LDLRAD4: variants seen among roughly 807,000 people sequenced by gnomAD.
The protein encoded by LDLRAD4 is low density lipoprotein receptor class A domain containing 4.
LDLRAD4 carries 5 observed loss-of-function variants against 17.0 expected under a neutral mutation model. The observed-to-expected ratio is 0.29, with a 90% CI of 0.15 to 0.62. The LOEUF is 0.62. Ranked by LOEUF, LDLRAD4 falls within the 20% of genes least tolerant of loss-of-function variation. The pLI is 0.84. For synonymous variants in LDLRAD4, 168 were observed against 171.8 expected (o/e 0.98, Z 0.17); for missense variants, 340 against 424.7 (o/e 0.80, Z 1.75).
In LDLRAD4 at chr18:13,473,166, A is replaced by G. The variant is rs544495371; in HGVS notation, c.181+34782A>G. On this transcript the variant is annotated intron_variant, in intron 3 of 5. Coordinates refer to ENST00000359446, the Ensembl canonical transcript of LDLRAD4. ...CAAACCTAATTATAACCTAAAGATC[A>G]TACATCAGGTGAGTTATGTTCATTT... 5.5e-4 allele frequency among the ~76,000 whole-genome samples: 83 copies of G among 152,218 alleles called. 1 individual carries two copies. The Middle Eastern group carries it at 0.01, about 19-fold the overall frequency.
chr18:13,335,621 C>T (rs1353855803), intron 1 of LDLRAD4, among the ~76,000 whole-genome samples: 2 of 152,130 alleles, frequency 1.3e-5, no homozygotes, highest in African/African-American at 4.8e-5. Flanking sequence ...CTTTTATTTT[C>T]CTGATTGTCT....
intron 1 of LDLRAD4, among the ~76,000 whole-genome samples, chr18:13,239,193 A>AAG (rs2042499244): frequency 6.9e-6 from 1 of 144,040 alleles, no homozygotes; most frequent in Non-Finnish European, 1.5e-5. Context: ...TCTCAAAAAA[A>AAG]AAAAAAAAAA....
intron 1 of LDLRAD4, among the ~76,000 whole-genome samples, chr18:13,356,131 C>A (rs1029453262): frequency 6.6e-6 from 1 of 152,216 alleles, no homozygotes; most frequent in Non-Finnish European, 1.5e-5. Flanking sequence ...ATGAATTGCT[C>A]TATTGATTTG....
intron 2 of LDLRAD4, among the ~76,000 whole-genome samples, chr18:13,432,884 T>G (rs534257118): frequency 1.3e-5 from 2 of 152,316 alleles, no homozygotes; most frequent in South Asian, 4.1e-4. Context: ...GCTCAGCTAA[T>G]TTTTTAATTT....
upstream of LDLRAD4, among the ~76,000 whole-genome samples, chr18:13,275,795 A>T (rs2044828904): frequency 2.6e-5 from 4 of 152,110 alleles, no homozygotes; most frequent in Admixed American, 6.6e-5. Context: ...AAGGCCTCCC[A>T]TGTGCCACAT....
intron 3 of LDLRAD4, among the ~76,000 whole-genome samples, chr18:13,500,237 C>T (rs1273229520): frequency 2.7e-5 from 4 of 148,814 alleles, no homozygotes; most frequent in African/African-American, 2.4e-5. Context: ...CTGGCCCTGA[C>T]GGCCCGGGAA....
intron 3 of LDLRAD4, among the ~76,000 whole-genome samples, chr18:13,597,506 TTCTCTCTC>T (rs58235384): frequency 4.1e-5 from 6 of 148,056 alleles, no homozygotes; most frequent in African/African-American, 1.0e-4. Flanking sequence ...TTCTGCTCAT[TTCTCTCTC>T]TCTCTCTCTC....
intron 1 of LDLRAD4, among the ~76,000 whole-genome samples, chr18:13,379,966 G>GC (rs2085215833): frequency 1.4e-5 from 2 of 145,494 alleles, no homozygotes; most frequent in South Asian, 2.3e-4. Context: ...GCAGAGGCCT[G>GC]CCCCTGCCCG....
At chr18:13,403,265 G>T (rs1041912269) in intron 2 of LDLRAD4, among the ~76,000 whole-genome samples, 1 of 152,192 alleles carries the variant, frequency 6.6e-6, no homozygotes, top group Non-Finnish European at 1.5e-5. Context: ...TTTAAAGTAA[G>T]AATGGAAGTG....
chr18:13,404,975 C>T (rs1175014573), intron 2 of LDLRAD4, among the ~76,000 whole-genome samples: 1 of 151,820 alleles, frequency 6.6e-6, no homozygotes, highest in Non-Finnish European at 1.5e-5. Context: ...GAGCGAAACC[C>T]AATGAAGAGG....
chr18:13,434,795 T>C (rs1405578477), intron 2 of LDLRAD4, among the ~76,000 whole-genome samples: 1 of 152,246 alleles, frequency 6.6e-6, no homozygotes, highest in Non-Finnish European at 1.5e-5. Context: ...CTTTGTAAAT[T>C]AGCAAATACC....
chr18:13,306,835 A>C (rs2046944706), intron 1 of LDLRAD4, among the ~76,000 whole-genome samples: 1 of 152,210 alleles, frequency 6.6e-6, no homozygotes. Context: ...AAGGTGCGCC[A>C]GGGGAGAGGG....
At chr18:13,294,112 G>A (rs778021061) in intron 1 of LDLRAD4, among the ~76,000 whole-genome samples, 5 of 152,210 alleles carry the variant, frequency 3.3e-5, no homozygotes, top group Non-Finnish European at 7.3e-5. Flanking sequence ...TTGAGCAGTA[G>A]GATATAAATA....
intron 3 of LDLRAD4, among the ~76,000 whole-genome samples, chr18:13,546,811 G>A (rs1158681044): frequency 2.0e-5 from 3 of 152,204 alleles, no homozygotes; most frequent in Admixed American, 6.5e-5. Context: ...TGACATCAGT[G>A]AGGGGCTTGC....
intron 3 of LDLRAD4, among the ~76,000 whole-genome samples, chr18:13,456,322 G>T (rs991689048): frequency 6.6e-6 from 1 of 152,156 alleles, no homozygotes; most frequent in African/African-American, 2.4e-5. Flanking sequence ...TCTACACGGG[G>T]GTGCCCCTTC....
rs904683321 is a variant in LDLRAD4 at position 13,440,846 on chromosome 18, C to T, written c.181+2462C>T. On this transcript the variant is annotated intron_variant, in intron 3 of 5. Coordinates refer to ENST00000359446, the Ensembl canonical transcript of LDLRAD4. This position sits in a 1 kb window ranked among gnomAD's most constrained non-coding sequence, Gnocchi z 4.4. ...TGTAATGTCAGAGCCATTGTGTACA[C>T]GGAGCAGGAATTCACGGGTGTCCAC... Among the ~76,000 whole-genome samples the T allele has an allele frequency of 2.2e-4, 34 of 152,296 alleles. No individual in the cohort carries two copies. Among genetic ancestry groups the T allele is most frequent in the East Asian group, 1.7e-3 (9 of 5,178 alleles).
At chr18:13,559,971 G>A (rs146361864) in intron 3 of LDLRAD4, among the ~76,000 whole-genome samples, 42 of 152,300 alleles carry the variant, frequency 2.8e-4, no homozygotes, top group African/African-American at 9.1e-4. Context: ...AATCAACAGG[G>A]TTGGGCGTTA....
chr18:13,346,651 T>G (rs2082707434), intron 1 of LDLRAD4, among the ~76,000 whole-genome samples: 1 of 152,172 alleles, frequency 6.6e-6, no homozygotes, highest in Admixed American at 6.5e-5. Flanking sequence ...TCTGTCTCAT[T>G]GATCTGTCTA....
intron 1 of LDLRAD4, among the ~76,000 whole-genome samples, chr18:13,338,978 G>A (rs1021589387): frequency 6.6e-6 from 1 of 152,128 alleles, no homozygotes; most frequent in Non-Finnish European, 1.5e-5. Flanking sequence ...AAAATGTTAT[G>A]TATTTTTGTT....
Sources: allele counts gnomAD v4.1 joint callset (sites outside exome capture counted in the v4.1 genomes callset), GRCh38; gene constraint gnomAD v4.1.1; non-coding constraint Gnocchi (gnomAD v3.1); transcripts MANE v1.5; gene names NCBI Gene and HGNC (gene_info 2026-07-23, HGNC 2026-07-21).